CACNA2D1: variants seen among roughly 807,000 people sequenced by gnomAD.
CACNA2D1 encodes the protein voltage-dependent calcium channel subunit alpha-2/delta-1.
CACNA2D1 carries 53 observed loss-of-function variants against 171.5 expected under a neutral mutation model. That is an observed-to-expected ratio of 0.31 (90% CI 0.25 to 0.39). The LOEUF is 0.39. Ranked by LOEUF, CACNA2D1 falls within the 10% of genes least tolerant of loss-of-function variation. The probability of loss-of-function intolerance (pLI) is 1.00; values close to 1 mark genes in which losing one functional copy is unlikely to be tolerated. For missense variants in CACNA2D1, 903 were observed against 1,299.8 expected (o/e 0.69, Z 4.69); for synonymous variants, 442 against 443.1 (o/e 1.00, Z 0.03).
chr7:82,355,291 T>C (rs1190524394), intron 1 of CACNA2D1, among the ~76,000 whole-genome samples: 1 of 152,186 alleles, frequency 6.6e-6, no homozygotes, highest in African/African-American at 2.4e-5. Flanking sequence ...AACTCATGTA[T>C]ATCTGGTTGT....
intron 1 of CACNA2D1, among the ~76,000 whole-genome samples, chr7:82,374,578 A>G (rs1317819436): frequency 6.6e-6 from 1 of 152,192 alleles, no homozygotes; most frequent in Non-Finnish European, 1.5e-5. Context: ...GGCCACAATC[A>G]GTACTAGAAG....
At chr7:82,421,884 T>C (rs1454837764) in intron 1 of CACNA2D1, among the ~76,000 whole-genome samples, 1 of 152,180 alleles carries the variant, frequency 6.6e-6, no homozygotes, top group African/African-American at 2.4e-5. Context: ...TCAACAATTC[T>C]GGTCTCCAAA....
At chr7:82,441,007 A>AG (rs1327690668) in intron 1 of CACNA2D1, among the ~76,000 whole-genome samples, 1 of 151,620 alleles carries the variant, frequency 6.6e-6, no homozygotes, top group Non-Finnish European at 1.5e-5. Context: ...TGATTCCGAG[A>AG]GAAATTTACA....
intron 12 of CACNA2D1, chr7:82,029,509 CTT>C (rs531602859): frequency 6.6e-6 from 1 of 151,616 alleles, no homozygotes; most frequent in African/African-American, 2.4e-5. Flanking sequence ...TTATTCTTCT[CTT>C]TTATTTCTTA....
chr7:82,261,023 C>T (rs978131598), intron 3 of CACNA2D1, among the ~76,000 whole-genome samples: 2 of 151,574 alleles, frequency 1.3e-5, no homozygotes, highest in Admixed American at 1.3e-4. Flanking sequence ...AGCGCAGTCT[C>T]GGCTTACTGC....
chr7:82,227,867 A>G (rs1400980974), intron 3 of CACNA2D1, among the ~76,000 whole-genome samples: 2 of 152,198 alleles, frequency 1.3e-5, no homozygotes, highest in African/African-American at 4.8e-5. Flanking sequence ...AAGGCTTTAT[A>G]TATCCTCACC....
chr7:82,244,429 C>T (rs751566352), intron 3 of CACNA2D1, among the ~76,000 whole-genome samples: 3 of 151,996 alleles, frequency 2.0e-5, no homozygotes, highest in Non-Finnish European at 4.4e-5. Flanking sequence ...ATGTTCTTTG[C>T]AGCCTCTTTT....
intron 3 of CACNA2D1, among the ~76,000 whole-genome samples, chr7:82,187,333 C>CA (rs1312975737): frequency 5.9e-5 from 9 of 152,084 alleles, no homozygotes; most frequent in African/African-American, 2.2e-4. Context: ...GGAATCCTTT[C>CA]AAGCAACACA....
chr7:82,052,667 A>G (rs1562927953), intron 10 of CACNA2D1, among the ~76,000 whole-genome samples: 1 of 152,150 alleles, frequency 6.6e-6, no homozygotes, highest in African/African-American at 2.4e-5. Context: ...GGTTGACACT[A>G]AAGATTATAA....
chr7:82,424,519 T>C (rs902325902), intron 1 of CACNA2D1, among the ~76,000 whole-genome samples: 18 of 152,336 alleles, frequency 1.2e-4, no homozygotes, highest in Middle Eastern at 3.4e-3. Flanking sequence ...TATTGGCTAG[T>C]TTATGCAGGC....
chr7:82,129,935 A>G (rs1217712712), intron 5 of CACNA2D1, among the ~76,000 whole-genome samples: 1 of 152,144 alleles, frequency 6.6e-6, no homozygotes, highest in Admixed American at 6.5e-5. Context: ...TCTTCAAGGT[A>G]TGTATTTCAT....
At chr7:82,110,875 G>C (rs530912526) in intron 6 of CACNA2D1, among the ~76,000 whole-genome samples, 4 of 151,788 alleles carry the variant, frequency 2.6e-5, no homozygotes, top group Non-Finnish European at 4.4e-5. Context: ...TATTTTTATC[G>C]AGAGCACTCA....
intron 6 of CACNA2D1, among the ~76,000 whole-genome samples, chr7:82,091,251 G>C (rs1239317769): frequency 2.6e-5 from 4 of 152,060 alleles, no homozygotes; most frequent in African/African-American, 9.7e-5. Context: ...ATCATGTCTC[G>C]GGCACCAGAA....
chr7:82,199,593 G>A (rs1799204741), intron 3 of CACNA2D1, among the ~76,000 whole-genome samples: 1 of 152,008 alleles, frequency 6.6e-6, no homozygotes. Context: ...TTAGCAGAGA[G>A]AAATTAGAAA....
chr7:82,110,896 A>AT (rs1299057532), intron 6 of CACNA2D1, among the ~76,000 whole-genome samples: 1 of 152,028 alleles, frequency 6.6e-6, no homozygotes, highest in Non-Finnish European at 1.5e-5. Flanking sequence ...TTACACTACG[A>AT]TATACACTAT....
chr7:82,389,830 C>G (rs1356989561), intron 1 of CACNA2D1, among the ~76,000 whole-genome samples: 1 of 152,152 alleles, frequency 6.6e-6, no homozygotes, highest in African/African-American at 2.4e-5. Context: ...AATAAACATT[C>G]CCATAAATAG....
At chr7:82,040,401 A>G (rs1803792796) in intron 10 of CACNA2D1, among the ~76,000 whole-genome samples, 1 of 151,212 alleles carries the variant, frequency 6.6e-6, no homozygotes, top group South Asian at 2.1e-4. Flanking sequence ...TCAAGAAATG[A>G]TAACATTTAA....
intron 1 of CACNA2D1, among the ~76,000 whole-genome samples, chr7:82,394,926 A>G (rs1825611649): frequency 6.8e-6 from 1 of 148,062 alleles, no homozygotes. Flanking sequence ...TCTCTAAAAC[A>G]CCAGCTTCAT....
intron 12 of CACNA2D1, among the ~76,000 whole-genome samples, chr7:82,026,046 A>G (rs1231001552): frequency 6.9e-6 from 1 of 144,006 alleles, no homozygotes; most frequent in Non-Finnish European, 1.5e-5. Flanking sequence ...GTCTCGTGTC[A>G]GTTTTTTTTT....
Sources: gnomAD v4.1 joint callset for allele counts (sites outside exome capture counted in the v4.1 genomes callset) on GRCh38, gnomAD v4.1.1 for gene constraint, MANE v1.5 for transcripts, NCBI Gene and HGNC (gene_info 2026-07-23, HGNC 2026-07-21) for gene names.